The following CRACD variants were observed in gnomAD, a reference collection of about 807,000 sequenced individuals.
The protein encoded by CRACD is capping protein inhibiting regulator of actin dynamics.
CRACD carries 56 observed loss-of-function variants against 106.8 expected under a neutral mutation model. The ratio of observed to expected loss-of-function variants is 0.52; its 90% CI spans 0.42 to 0.66. The LOEUF is 0.66. CRACD is among the 30% of genes least tolerant of loss of function. The pLI, the probability that CRACD is intolerant of heterozygous loss-of-function variation, is 0.00. For synonymous variants in CRACD, 754 were observed against 670.8 expected, an observed-to-expected ratio of 1.12 and a Z score of -1.92; for missense variants, 1,730 against 1,623.2, an observed-to-expected ratio of 1.07 and a Z score of -1.13.
intron 2 of CRACD, among the ~76,000 whole-genome samples, chr4:56,255,113 C>CA (rs5858370): frequency 0.019 from 1,452 of 74,632 alleles, 24 homozygotes; most frequent in Admixed American, 0.027. Flanking sequence ...GACTCCATCT[C>CA]AAAAAAAAAA....
chr4:56,108,028 C>T (rs1001050886), intron 1 of CRACD, among the ~76,000 whole-genome samples: 2 of 152,160 alleles, frequency 1.3e-5, no homozygotes, highest in African/African-American at 2.4e-5. Flanking sequence ...CTCATTTTTG[C>T]AGCTTTCAGA....
At chr4:56,204,277 T>C (rs1283927989) in intron 2 of CRACD, among the ~76,000 whole-genome samples, 1 of 152,196 alleles carries the variant, frequency 6.6e-6, no homozygotes, top group Non-Finnish European at 1.5e-5. Flanking sequence ...TCCAAGTTGG[T>C]GGGTGTCTTG....
intron 2 of CRACD, among the ~76,000 whole-genome samples, chr4:56,212,947 A>G (rs1738481278): frequency 6.6e-6 from 1 of 152,236 alleles, no homozygotes; most frequent in Non-Finnish European, 1.5e-5. Context: ...AAACAAACTC[A>G]GAGAACTCAC....
chr4:56,190,330 T>C (rs530330771), intron 2 of CRACD, among the ~76,000 whole-genome samples: 13 of 152,276 alleles, frequency 8.5e-5, no homozygotes, highest in African/African-American at 2.9e-4. Context: ...TTTGGGTATA[T>C]ACCCAGTAAT....
intron 1 of CRACD, among the ~76,000 whole-genome samples, chr4:56,160,020 A>G (rs1735895271): frequency 1.3e-5 from 2 of 151,880 alleles, no homozygotes; most frequent in Admixed American, 6.6e-5. Context: ...ACCTCAGGTA[A>G]TTCGCCCGCC....
chr4:56,229,431 G>A (rs1739487474), intron 2 of CRACD, among the ~76,000 whole-genome samples: 1 of 152,178 alleles, frequency 6.6e-6, no homozygotes, highest in Admixed American at 6.5e-5. Flanking sequence ...GCCAGACACT[G>A]AATATTCTGG....
At chr4:56,285,989 T>C (rs1743316986) in intron 3 of CRACD, among the ~76,000 whole-genome samples, 1 of 152,132 alleles carries the variant, frequency 6.6e-6, no homozygotes, top group Admixed American at 6.5e-5. Flanking sequence ...ACTTTAGGGC[T>C]CTGGCATGAA....
chr4:56,079,381 G>A (rs940256375), intron 1 of CRACD, among the ~76,000 whole-genome samples: 3 of 151,636 alleles, frequency 2.0e-5, no homozygotes, highest in Non-Finnish European at 4.4e-5. Context: ...CCCTCCAGGG[G>A]ATGTTTATTT....
At chr4:56,059,514 C>T (rs1732197946) in intron 1 of CRACD, among the ~76,000 whole-genome samples, 1 of 152,136 alleles carries the variant, frequency 6.6e-6, no homozygotes, top group Non-Finnish European at 1.5e-5. Context: ...ATCCACATTC[C>T]ACCCAGCCAG....
intron 2 of CRACD, among the ~76,000 whole-genome samples, chr4:56,229,102 T>G (rs13117018): frequency 1.3e-5 from 2 of 152,140 alleles, no homozygotes; most frequent in Non-Finnish European, 2.9e-5. Context: ...CTTGCAGGCA[T>G]AAACAAAATG....
intron 2 of CRACD, among the ~76,000 whole-genome samples, chr4:56,209,409 A>C (rs1207565364): frequency 6.6e-6 from 1 of 152,108 alleles, no homozygotes; most frequent in Non-Finnish European, 1.5e-5. Context: ...AACTTCCATC[A>C]TCAAAAGCAT....
At chr4:56,057,454 A>G (rs1262660715) in intron 1 of CRACD, among the ~76,000 whole-genome samples, 1 of 152,060 alleles carries the variant, frequency 6.6e-6, no homozygotes, top group African/African-American at 2.4e-5. Flanking sequence ...GGCTTTGTTT[A>G]TTTATAATGT....
At chr4:56,172,181 T>A (rs1736397823) in intron 1 of CRACD, among the ~76,000 whole-genome samples, 1 of 152,164 alleles carries the variant, frequency 6.6e-6, no homozygotes, top group Admixed American at 6.5e-5. Context: ...TAGGTCCCAC[T>A]GTCCACTAAA....
At chr4:56,101,517 C>T (rs28685820) in intron 1 of CRACD, among the ~76,000 whole-genome samples, 17,113 of 152,076 alleles carry the variant, frequency 0.11, 1,404 homozygotes, top group African/African-American at 0.22. Context: ...AATCCCAGCA[C>T]TTTGGGAGGC....
intron 3 of CRACD, chr4:56,297,736 A>G (rs1489358135): frequency 6.5e-6 from 1 of 152,708 alleles, no homozygotes; most frequent in East Asian, 1.9e-4. Context: ...GTCTCTATCA[A>G]CAATTCTCTA....
chr4:56,214,383 A>G (rs1017275870), intron 2 of CRACD, among the ~76,000 whole-genome samples: 2 of 152,176 alleles, frequency 1.3e-5, no homozygotes, highest in South Asian at 2.1e-4. Flanking sequence ...TCATGAGGTC[A>G]GGAGATCAAG....
At chr4:56,152,196 T>G (rs1219767664) in intron 1 of CRACD, among the ~76,000 whole-genome samples, 1 of 151,642 alleles carries the variant, frequency 6.6e-6, no homozygotes, top group Non-Finnish European at 1.5e-5. Context: ...TTTTTTTTTT[T>G]TTAGTAGAGA....
At chr4:56,144,248 A>C (rs1411233087) in intron 1 of CRACD, among the ~76,000 whole-genome samples, 2 of 152,180 alleles carry the variant, frequency 1.3e-5, no homozygotes, top group African/African-American at 4.8e-5. Context: ...AGAGACCAGA[A>C]CTTCCAGCAC....
chr4:56,156,948 T>C (rs1735781876), intron 1 of CRACD, among the ~76,000 whole-genome samples: 1 of 152,240 alleles, frequency 6.6e-6, no homozygotes, highest in Admixed American at 6.5e-5. Context: ...TTGCTGTTTT[T>C]CATGACTGTA....
Sources: gnomAD v4.1 joint callset for allele counts (sites outside exome capture counted in the v4.1 genomes callset) on GRCh38, gnomAD v4.1.1 for gene constraint, MANE v1.5 for transcripts, NCBI Gene and HGNC (gene_info 2026-07-23, HGNC 2026-07-21) for gene names.